The following FMO1 variants were observed in gnomAD, a reference collection of about 807,000 sequenced individuals.
The protein encoded by FMO1 is flavin-containing monooxygenase 1.
In FMO1, 36 loss-of-function variants were observed where a neutral mutation model predicts 45.4. That is an observed-to-expected ratio of 0.79 (90% CI 0.61 to 1.05). FMO1 has a LOEUF of 1.05. Among genes scored for constraint, FMO1 ranks in the 50% least tolerant of loss-of-function variants. The pLI, the probability that FMO1 is intolerant of heterozygous loss-of-function variation, is 0.00. For synonymous variants in FMO1, 228 were observed against 227.2 expected, an observed-to-expected ratio of 1.00 and a Z score of -0.03; for missense variants, 615 against 640.3, an observed-to-expected ratio of 0.96 and a Z score of 0.43.
chr1:171,283,036 G>T (rs1282660723), intron 7 of FMO1, 108 bp from the exon 8 acceptor site: 3 of 689,282 alleles, frequency 4.4e-6, no homozygotes, highest in African/African-American at 3.8e-5. Context: ...TCAATGAGTA[G>T]CTGGTACTAG....
intron 2 of FMO1, among the ~76,000 whole-genome samples, chr1:171,263,948 A>T (rs1045202452): frequency 1.3e-5 from 2 of 152,188 alleles, no homozygotes; most frequent in African/African-American, 4.8e-5. Context: ...TATATGCTAA[A>T]TACTCCAGAC....
chr1:171,283,783 T>C, intron 8 of FMO1, among the ~76,000 whole-genome samples: 1 of 152,196 alleles, frequency 6.6e-6, no homozygotes, highest in East Asian at 1.9e-4. Flanking sequence ...TAAAATTTTA[T>C]TAGAACACAG....
At position 171,275,964 on chromosome 1, in the gene FMO1, AGGTTTACGGCACT is replaced by A. The variant is rs1661090145; in HGVS notation, c.484+460_484+472del. ...ATGTGAGTGATAGCAATTAGATTAG[AGGTTTACGGCACT>A]GGTCAATAGTCAAGAGGGAGATTAG... On this transcript the variant is annotated intron_variant, in intron 4 of 8. Coordinates refer to ENST00000617670, the MANE Select transcript of FMO1 (RefSeq NM_001282693.2). 2.6e-5 allele frequency among the ~76,000 whole-genome samples: 4 copies of A among 152,252 alleles called. No homozygotes were observed. The South Asian group carries it at 8.3e-4, about 32-fold the overall frequency.
intron 1 of FMO1, among the ~76,000 whole-genome samples, chr1:171,251,247 A>G (rs1167906296): frequency 6.6e-6 from 1 of 152,166 alleles, no homozygotes; most frequent in Non-Finnish European, 1.5e-5. Context: ...GAGTCTGACT[A>G]GCTGATCAGG....
chr1:171,249,843 T>C (rs1286396807), intron 1 of FMO1, among the ~76,000 whole-genome samples: 1 of 152,062 alleles, frequency 6.6e-6, no homozygotes, highest in Non-Finnish European at 1.5e-5. Flanking sequence ...CTGGAAACAG[T>C]TAAACATTGG....
chr1:171,282,710 TG>T, intron 7 of FMO1: 1 of 220,784 alleles, frequency 4.5e-6, no homozygotes, highest in Non-Finnish European at 8.9e-6. Context: ...CTCAAACTCC[TG>T]GTCTCAAGCA....
At position 171,280,920 on chromosome 1, in the gene FMO1, G is replaced by A; in HGVS notation, c.762G>A (p.Trp254Ter). The change falls in exon 6 of 9, where the codon TGG (tryptophan) becomes TGA (stop). Residue 254 changes from tryptophan (W) to a stop codon, truncating the protein, a stop_gained. Transcript: ENST00000617670. LOFTEE classifies it high-confidence loss of function. ...RNSLPTPIVT[W>*]LMERKINNWL... ...CCCTCCCAACCCCAATTGTGACTTG[G>A]TTGATGGAGCGAAAGATAAACAACT... is the stretch of plus-strand genomic sequence containing the variant. The A allele has an allele frequency of 5.6e-6, 9 of 1,613,942 alleles. No individual in the cohort carries two copies. The highest frequency in any genetic ancestry group is 7.6e-6 in the Non-Finnish European group (9 of 1,179,880).
At position 171,280,910 on chromosome 1, in the gene FMO1, T is replaced by A; in HGVS notation, c.752T>A (p.Ile251Asn). 1 of 1,613,934 alleles carries A rather than the reference T, an allele frequency of 6.2e-7. No homozygotes were observed. Among genetic ancestry groups the A allele is most frequent in the South Asian group, 1.1e-5 (1 of 91,084 alleles). The change falls in exon 6 of 9, where the codon ATT becomes AAT. Residue 251 changes from isoleucine (I) to asparagine (N), a missense_variant. Ile to Asn is a moderately radical substitution (Grantham distance 149). Transcript: ENST00000617670. ...TTGAGAAATTCCCTCCCAACCCCAA[T>A]TGTGACTTGGTTGATGGAGCGAAAG... ...NMLRNSLPTP[I>N]VTWLMERKIN...
At chr1:171,273,762 C>T (rs1038961187) in intron 3 of FMO1, among the ~76,000 whole-genome samples, 2 of 152,152 alleles carry the variant, frequency 1.3e-5, no homozygotes, top group Non-Finnish European at 2.9e-5. Context: ...AGCTATCCTC[C>T]TGCCTTGGCC....
chr1:171,282,356 C>T (rs1205882913), intron 7 of FMO1, 23 bp downstream of exon 7: 1 of 1,521,138 alleles, frequency 6.6e-7, no homozygotes, highest in Non-Finnish European at 9.0e-7. Context: ...AATAGCAGGG[C>T]ATGTGTTTTT....
intron 4 of FMO1, among the ~76,000 whole-genome samples, chr1:171,276,305 G>T (rs1250837273): frequency 6.6e-6 from 1 of 152,178 alleles, no homozygotes; most frequent in Non-Finnish European, 1.5e-5. Context: ...GGTTAGATTA[G>T]GATAAAGCAT....
chr1:171,264,878 G>A (rs1571338929), intron 2 of FMO1, among the ~76,000 whole-genome samples: 1 of 151,728 alleles, frequency 6.6e-6, no homozygotes, highest in East Asian at 1.9e-4. Context: ...CTTCCTGGGC[G>A]ACAGAGCGAG....
At chr1:171,257,921 G>A (rs941594029) in intron 1 of FMO1, 161 bp from the exon 2 acceptor site, 30 of 746,488 alleles carry the variant, frequency 4.0e-5, no homozygotes, top group Non-Finnish European at 6.1e-5. Context: ...CCAGTGACCT[G>A]AACATTTTCC....
Position 171,285,079 on chromosome 1 carries a change from G to A in FMO1, c.1257-123G>A, listed in dbSNP as rs139569455. 305 of 602,986 alleles carry A rather than the reference G, an allele frequency of 5.1e-4. 2 individuals are homozygous for A. The highest frequency in any genetic ancestry group is 5.0e-3 in the African/African-American group (266 of 52,962). 37.4% of individuals were successfully genotyped at this position (602,986 alleles called of 1,614,324 possible). On this transcript the variant is annotated intron_variant, in intron 8 of 8. Transcript: ENST00000617670. ...CCGTTAGATAGGTAGGGAAATAAAGGGGAAAATGCAGAAACCATCCCAAAT... is the reference window on the plus strand; with the variant it reads ...CCGTTAGATAGGTAGGGAAATAAAGAGGAAAATGCAGAAACCATCCCAAAT...
intron 3 of FMO1, among the ~76,000 whole-genome samples, chr1:171,274,038 A>C (rs987650683): frequency 2.0e-5 from 3 of 151,794 alleles, no homozygotes; most frequent in Admixed American, 2.0e-4. Flanking sequence ...AGTCTCAGCT[A>C]CTCAGAAGGC....
intron 8 of FMO1, among the ~76,000 whole-genome samples, chr1:171,284,233 A>G (rs1240191345): frequency 1.3e-5 from 2 of 151,618 alleles, no homozygotes; most frequent in African/African-American, 4.8e-5. Context: ...GGAACTTATT[A>G]TCACTCTCTT....
At chr1:171,253,133 G>C (rs1269586416) in intron 1 of FMO1, among the ~76,000 whole-genome samples, 1 of 152,144 alleles carries the variant, frequency 6.6e-6, no homozygotes, top group East Asian at 1.9e-4. Flanking sequence ...CTTTCAGGGT[G>C]ACTTTGAAAC....
chr1:171,259,761 C>G (rs1660303495), intron 2 of FMO1, among the ~76,000 whole-genome samples: 1 of 152,176 alleles, frequency 6.6e-6, no homozygotes, highest in Admixed American at 6.5e-5. Flanking sequence ...AATCACTGAT[C>G]TAAGAATCAA....
intron 2 of FMO1, among the ~76,000 whole-genome samples, chr1:171,261,902 A>C (rs902241976): frequency 1.3e-5 from 2 of 152,162 alleles, no homozygotes; most frequent in African/African-American, 2.4e-5. Context: ...AGAGGGTGGA[A>C]ACCATTAAAA....
Sources: gnomAD v4.1 joint callset for allele counts (sites outside exome capture counted in the v4.1 genomes callset) on GRCh38, gnomAD v4.1.1 for gene constraint, MANE v1.5 for transcripts, NCBI Gene and HGNC (gene_info 2026-07-23, HGNC 2026-07-21) for gene names.